Variants in CENPC observed in about 807,000 individuals in gnomAD.
The protein encoded by CENPC is CENP-C 1.
A neutral mutation model predicts 112.1 loss-of-function variants in CENPC; 63 were observed. The ratio of observed to expected loss-of-function variants is 0.56; its 90% CI spans 0.46 to 0.69. CENPC has a LOEUF of 0.69. CENPC is among the 30% of genes least tolerant of loss of function. CENPC has a pLI of 0.00. For missense variants in CENPC, 1,000 were observed against 1,103.8 expected (o/e 0.91, Z 1.33); for synonymous variants, 333 against 367.6 (o/e 0.91, Z 1.08).
At chr4:67,544,588 T>C (rs995471394) in intron 1 of CENPC, among the ~76,000 whole-genome samples, 1 of 152,174 alleles carries the variant, frequency 6.6e-6, no homozygotes, top group East Asian at 1.9e-4. Flanking sequence ...GAAGGGGAGA[T>C]AAATTAGAAA....
chr4:67,503,672 T>C (rs1012206137), intron 12 of CENPC, among the ~76,000 whole-genome samples: 4 of 152,138 alleles, frequency 2.6e-5, no homozygotes, highest in African/African-American at 7.2e-5. Flanking sequence ...TCCACTTATG[T>C]TATCAACAAA....
At chr4:67,518,526 A>G (rs553351881) in intron 6 of CENPC, among the ~76,000 whole-genome samples, 158 bp from the exon 7 acceptor site, 2 of 152,322 alleles carry the variant, frequency 1.3e-5, no homozygotes, top group South Asian at 4.1e-4. Context: ...TTCCAAATAC[A>G]TAAGATAAAC....
rs147708292 is a variant in CENPC, at chr4:67,498,226, C to A, written c.2132-3014G>T. 7.9e-5 allele frequency among the ~76,000 whole-genome samples: 12 copies of A among 152,176 alleles called. No individual in the cohort carries two copies. The East Asian group carries it at 2.3e-3, about 29-fold the overall frequency. On this transcript the variant is annotated intron_variant, in intron 12 of 18. Transcript: ENST00000273853. ...CTCCAGCCTGGGTATTAGAGCAAGC[C>A]TCTGTCTCATTCTCAAAAAATAAAA...
At chr4:67,496,609 G>C (rs1454975467) in intron 12 of CENPC, among the ~76,000 whole-genome samples, 1 of 152,118 alleles carries the variant, frequency 6.6e-6, no homozygotes, top group Non-Finnish European at 1.5e-5. Context: ...TTATAAAATT[G>C]CTGGTTTGGA....
At chr4:67,511,084 T>G (rs1725880896) in intron 9 of CENPC, 3 of 455,458 alleles carry the variant, frequency 6.6e-6, no homozygotes, top group South Asian at 4.7e-5. Context: ...ACTTCAATAC[T>G]AACATATGCC....
intron 1 of CENPC, among the ~76,000 whole-genome samples, chr4:67,545,058 CA>C (rs1055326466): frequency 2.0e-5 from 3 of 150,490 alleles, no homozygotes; most frequent in Non-Finnish European, 3.0e-5. Context: ...AAAACAAAAA[CA>C]AAAAAAAACC....
chr4:67,490,574 T>A (rs370660076), intron 16 of CENPC, among the ~76,000 whole-genome samples: 1 of 151,892 alleles, frequency 6.6e-6, no homozygotes, highest in African/African-American at 2.4e-5. Flanking sequence ...TTTTAAAGTT[T>A]AACATAAACC....
At chr4:67,532,639 T>C (rs1726588921) in intron 4 of CENPC, among the ~76,000 whole-genome samples, 1 of 152,044 alleles carries the variant, frequency 6.6e-6, no homozygotes, top group South Asian at 2.1e-4. Flanking sequence ...GAGCAAACTA[T>C]TGCGAGGACA....
intron 15 of CENPC, 115 bp downstream of exon 15, chr4:67,492,754 T>A: frequency 7.5e-7 from 1 of 1,338,072 alleles, no homozygotes; most frequent in East Asian, 2.8e-5. Flanking sequence ...ATTTTACCTA[T>A]GGTATTATTT....
chr4:67,536,295 T>C (rs1726717082), intron 4 of CENPC, among the ~76,000 whole-genome samples: 1 of 152,144 alleles, frequency 6.6e-6, no homozygotes, highest in African/African-American at 2.4e-5. Context: ...CAATAGATCA[T>C]TGAATAAAGT....
Position 67,539,884 on chromosome 4 carries a change from T to C in CENPC, c.187A>G (p.Thr63Ala). 2 of 1,535,720 alleles carry C rather than the reference T, an allele frequency of 1.3e-6. No individual in the cohort carries two copies. The highest frequency in any genetic ancestry group is 2.4e-5 in the East Asian group (1 of 41,284). Residue 63 changes from threonine (T) to alanine (A), a missense_variant, in exon 4 of 19, where the codon ACA (threonine) becomes GCA (alanine). Thr to Ala is a moderately conservative substitution (Grantham distance 58). Coordinates refer to ENST00000273853, the MANE Select transcript of CENPC (RefSeq NM_001812.4). ...ATACAAGTGTCTTTTATTTTGCGTGTTGAATTAGGCACTGATTTTGTAGAA... is the reference window on the plus strand; with the variant it reads ...ATACAAGTGTCTTTTATTTTGCGTGCTGAATTAGGCACTGATTTTGTAGAA... ...TNSTKSVPNS[T>A]RKIKDTCIQS...
chr4:67,484,360 G>C (rs1038754970), intron 17 of CENPC, among the ~76,000 whole-genome samples: 3 of 152,160 alleles, frequency 2.0e-5, no homozygotes, highest in Non-Finnish European at 4.4e-5. Flanking sequence ...TAATTTGTTA[G>C]AGCAGCAACT....
In CENPC at chr4:67,506,851, C is replaced by A. The variant is rs760987032; in HGVS notation, c.1988G>T (p.Cys663Phe). 1.2e-6 allele frequency: 2 copies of A among 1,612,168 alleles called. No homozygotes were observed. The highest frequency in any genetic ancestry group is 1.7e-6 in the Non-Finnish European group (2 of 1,178,912). The change falls in exon 11 of 19, where the codon TGT becomes TTT. Residue 663 changes from cysteine to phenylalanine, a missense_variant. Coordinates refer to ENST00000273853, the MANE Select transcript of CENPC (RefSeq NM_001812.4). ...CAAGTTTGACTCTGTTGGTATATTACATGTATATCCACTGGTCTGAGGCTT... is the reference window on the plus strand; with the variant it reads ...CAAGTTTGACTCTGTTGGTATATTAAATGTATATCCACTGGTCTGAGGCTT... Reference protein sequence around the residue: ...PLKPQTSGYTCNIPTESNLDS... With the variant: ...PLKPQTSGYTFNIPTESNLDS...
chr4:67,492,605 T>C (rs1015103228), intron 15 of CENPC: 8 of 488,212 alleles, frequency 1.6e-5, no homozygotes, highest in African/African-American at 4.0e-5. Context: ...ATGTTAACCA[T>C]AGCTTGGGCA....
intron 18 of CENPC, among the ~76,000 whole-genome samples, chr4:67,474,202 CCA>C (rs1318561459): frequency 4.4e-4 from 67 of 152,060 alleles, no homozygotes; most frequent in African/African-American, 1.5e-3. Flanking sequence ...GTAGCTGGGA[CCA>C]CAGGTGTCCG....
chr4:67,501,131 A>C (rs752842066), intron 12 of CENPC, among the ~76,000 whole-genome samples: 17 of 152,106 alleles, frequency 1.1e-4, no homozygotes, highest in Non-Finnish European at 2.1e-4. Flanking sequence ...AACAAGGTGA[A>C]AGCCTGTCTC....
chr4:67,512,296 C>A, intron 9 of CENPC, 106 bp downstream of exon 9: 1 of 777,484 alleles, frequency 1.3e-6, no homozygotes, highest in Non-Finnish European at 2.0e-6. Context: ...CCCAATTTAA[C>A]TTGGTCCTCA....
Position 67,471,634 on chromosome 4 carries a change from T to C in CENPC, c.*971A>G, listed in dbSNP as rs1202521092. 6.6e-6 allele frequency: 1 copy of C among 152,200 alleles called. No individual in the cohort carries two copies. The highest frequency in any genetic ancestry group is 1.5e-5 in the Non-Finnish European group (1 of 68,040). The allele number at this position is 152,200 out of a possible 1,614,324, so 9.4% of individuals were successfully genotyped here. ...ATCACACTTCATTCTTCCTAAGTCCTACACCAGAGTTGCTTTAAATGTGTG... is the reference window on the plus strand; with the variant it reads ...ATCACACTTCATTCTTCCTAAGTCCCACACCAGAGTTGCTTTAAATGTGTG... On this transcript the variant is annotated 3_prime_UTR_variant, in exon 19 of 19. Transcript: ENST00000273853.
chr4:67,537,342 AATG>A (rs1335898279), intron 4 of CENPC, among the ~76,000 whole-genome samples: 1 of 152,198 alleles, frequency 6.6e-6, no homozygotes, highest in African/African-American at 2.4e-5. Flanking sequence ...TGTGTATTTT[AATG>A]TATTATGTTT....
Sources: gnomAD v4.1 joint callset for allele counts (sites outside exome capture counted in the v4.1 genomes callset) on GRCh38, gnomAD v4.1.1 for gene constraint, MANE v1.5 for transcripts, NCBI Gene and HGNC (gene_info 2026-07-23, HGNC 2026-07-21) for gene names.